TVP23C: variants seen among roughly 807,000 people sequenced by gnomAD.
The protein encoded by TVP23C is Golgi apparatus membrane protein TVP23 homolog C.
Under a neutral mutation model 28.7 loss-of-function variants are expected in TVP23C, and 19 were observed. That is an observed-to-expected ratio of 0.66 (90% CI 0.46 to 0.97). TVP23C has a LOEUF of 0.97. TVP23C is among the 50% of genes least tolerant of loss of function. The pLI is 0.00. For synonymous variants in TVP23C, 68 were observed against 81.7 expected (o/e 0.83, Z 0.90); for missense variants, 186 against 241.3 (o/e 0.77, Z 1.52).
chr17:15,554,236 CTTT>C (rs60423951), intron 2 of TVP23C, among the ~76,000 whole-genome samples: 4 of 125,396 alleles, frequency 3.2e-5, no homozygotes, highest in African/African-American at 5.9e-5. Flanking sequence ...TTGTTTGTTT[CTTT>C]TTTTTTTTTT....
intron 5 of TVP23C, among the ~76,000 whole-genome samples, chr17:15,521,563 G>A (rs946691815): frequency 7.2e-5 from 11 of 152,164 alleles, no homozygotes; most frequent in Non-Finnish European, 1.3e-4. Flanking sequence ...TTGGTATAGG[G>A]ATATTCAAAT....
chr17:15,515,111 T>C (rs1305681920), intron 5 of TVP23C, among the ~76,000 whole-genome samples: 1 of 152,054 alleles, frequency 6.6e-6, no homozygotes, highest in Non-Finnish European at 1.5e-5. Context: ...ATACCCACAG[T>C]GGGCATGGCC....
At chr17:15,526,286 G>C (rs559707554) in intron 5 of TVP23C, among the ~76,000 whole-genome samples, 192 of 152,160 alleles carry the variant, frequency 1.3e-3, no homozygotes, top group African/African-American at 4.2e-3. Context: ...CTTCAAATCT[G>C]ACATATCTTA....
intron 5 of TVP23C, among the ~76,000 whole-genome samples, chr17:15,509,747 C>G (rs1218699210): frequency 3.9e-5 from 6 of 152,188 alleles, no homozygotes; most frequent in Non-Finnish European, 7.3e-5. Context: ...ACTCATCCTT[C>G]AAGCTCTAGT....
At chr17:15,542,439 C>T (rs1397629408) in intron 5 of TVP23C, among the ~76,000 whole-genome samples, 1 of 152,058 alleles carries the variant, frequency 6.6e-6, no homozygotes, top group Non-Finnish European at 1.5e-5. Flanking sequence ...GTCCTGTGGT[C>T]TTAACCCATT....
intron 5 of TVP23C, among the ~76,000 whole-genome samples, chr17:15,514,071 A>G (rs553654339): frequency 6.6e-6 from 1 of 152,338 alleles, no homozygotes; most frequent in African/African-American, 2.4e-5. Context: ...ATCACCGTTC[A>G]TGGGGTGCAG....
Position 15,540,387 on chromosome 17 carries a change from T to C in TVP23C, c.*25A>G. ...TTCATAAAAATTAAACTATGAAAGTTAGAAATAATTGCATTAGTCACTGAT... is the reference window on the plus strand; with the variant it reads ...TTCATAAAAATTAAACTATGAAAGTCAGAAATAATTGCATTAGTCACTGAT... On this transcript the variant is annotated 3_prime_UTR_variant, in exon 6 of 6. Transcript: ENST00000518321. 2 of 1,561,566 alleles carry C rather than the reference T, an allele frequency of 1.3e-6. No homozygotes were observed. Among genetic ancestry groups the C allele is most frequent in the Non-Finnish European group, 1.7e-6 (2 of 1,148,962 alleles).
intron 5 of TVP23C, chr17:15,506,921 G>A (rs1597501313): frequency 1.3e-5 from 14 of 1,083,822 alleles, no homozygotes; most frequent in East Asian, 3.1e-5. Flanking sequence ...CCCTTGGGCC[G>A]CATCTCCTTT....
Position 15,508,457 on chromosome 17 carries a change from C to T in TVP23C, c.463-5225G>A, listed in dbSNP as rs116954760. Among the ~76,000 whole-genome samples, 1,086 of 152,268 alleles carry T rather than the reference C, an allele frequency of 7.1e-3. 7 individuals are homozygous for T. The highest frequency in any genetic ancestry group is 0.013 in the Non-Finnish European group (855 of 68,012). ...AAATGGGCCAAGGTAGGCAGCATCC[C>T]GCTCAGGTCCTGCAGATGCTCACAC... is the stretch of plus-strand genomic sequence containing the variant. On this transcript the variant is annotated intron_variant, in intron 5 of 5. Transcript: ENST00000225576.
At chr17:15,508,710 C>T (rs1458415597) in intron 5 of TVP23C, among the ~76,000 whole-genome samples, 6 of 152,252 alleles carry the variant, frequency 3.9e-5, no homozygotes, top group South Asian at 2.1e-4. Context: ...AGCTTACAAA[C>T]GAGCATGGGC....
At chr17:15,557,102 A>C (rs923373071) in intron 1 of TVP23C, among the ~76,000 whole-genome samples, 1 of 149,004 alleles carries the variant, frequency 6.7e-6, no homozygotes, top group Non-Finnish European at 1.5e-5. Flanking sequence ...ACCACCAAAT[A>C]CCAAATCATC....
Position 15,555,230 on chromosome 17 carries a change from C to T in TVP23C, c.95+52G>A, listed in dbSNP as rs186348360. On this transcript the variant is annotated intron_variant, in intron 2 of 5. Coordinates refer to ENST00000518321, the MANE Select transcript of TVP23C (RefSeq NM_001135036.2). ...ACTCCCATCAGCTAGCACTGACATA[C>T]ATACAGAACAACACTGGACACTAAC... 523 of 1,613,084 alleles carry T rather than the reference C, an allele frequency of 3.2e-4. 4 individuals carry two copies. The African/African-American group carries it at 6.2e-3, about 19-fold the overall frequency.
intron 1 of TVP23C, among the ~76,000 whole-genome samples, chr17:15,557,749 G>C (rs1175151550): frequency 1.4e-5 from 2 of 141,122 alleles, no homozygotes; most frequent in Non-Finnish European, 3.2e-5. Flanking sequence ...AGTGCAAATG[G>C]GAGCCAGGGA....
exon 6 of TVP23C, chr17:15,502,764 T>C (rs554248052): frequency 6.4e-6 from 9 of 1,416,010 alleles, no homozygotes; most frequent in South Asian, 1.6e-5. Flanking sequence ...CTTTCTCTCC[T>C]TCTCCGTCAC....
Position 15,551,804 on chromosome 17 carries a change from T to C in TVP23C, c.240+1881A>G, listed in dbSNP as rs566144535. Among the ~76,000 whole-genome samples the C allele has an allele frequency of 2.8e-3, 434 of 152,290 alleles. 3 individuals are homozygous for C. The highest frequency in any genetic ancestry group is 0.016 in the South Asian group (77 of 4,824). ...GGACACCCAGGGGTTTAGATGAAGA[T>C]TGATTTTTTGTTTTTTTAGTAAGTA... On this transcript the variant is annotated intron_variant, in intron 3 of 5. Coordinates refer to ENST00000518321, the MANE Select transcript of TVP23C (RefSeq NM_001135036.2).
At chr17:15,546,047 C>T in intron 4 of TVP23C, 131 bp from the exon 5 acceptor site, 1 of 1,323,214 alleles carries the variant, frequency 7.6e-7, no homozygotes, top group Non-Finnish European at 1.0e-6. Flanking sequence ...AAGTTAGAAC[C>T]CAAAAATACA....
intron 5 of TVP23C, among the ~76,000 whole-genome samples, chr17:15,508,884 T>A (rs1230503340): frequency 6.6e-6 from 1 of 152,130 alleles, no homozygotes; most frequent in African/African-American, 2.4e-5. Context: ...AGCACCCTGG[T>A]AAACTAGGGG....
At chr17:15,556,913 A>G (rs199926739) in intron 1 of TVP23C, among the ~76,000 whole-genome samples, 7 of 151,382 alleles carry the variant, frequency 4.6e-5, no homozygotes, top group Admixed American at 1.3e-4. Flanking sequence ...CACATAAAGC[A>G]TAGAAGATCA....
downstream of TVP23C, among the ~76,000 whole-genome samples, chr17:15,532,608 T>C (rs1003099492): frequency 7.2e-5 from 11 of 152,222 alleles, no homozygotes; most frequent in Non-Finnish European, 1.3e-4. Flanking sequence ...CTTTGGGTTG[T>C]TGCAATCGTT....
Sources: gnomAD v4.1 joint callset for allele counts (sites outside exome capture counted in the v4.1 genomes callset) on GRCh38, gnomAD v4.1.1 for gene constraint, MANE v1.5 for transcripts, NCBI Gene and HGNC (gene_info 2026-07-23, HGNC 2026-07-21) for gene names.